DAB1: variants seen among roughly 807,000 people sequenced by gnomAD.
DAB1 encodes the protein DAB adaptor protein 1, also known as disabled homolog 1.
Under a neutral mutation model 64.6 loss-of-function variants are expected in DAB1, and 15 were observed. That is an observed-to-expected ratio of 0.23 (90% CI 0.16 to 0.36). The LOEUF (loss-of-function observed/expected upper bound fraction) is 0.36, where lower values mean the gene tolerates loss of function less well. Among genes scored for constraint, DAB1 ranks in the 10% least tolerant of loss-of-function variants. The probability of loss-of-function intolerance (pLI) is 1.00; values close to 1 mark genes in which losing one functional copy is unlikely to be tolerated. For missense variants in DAB1, 596 were observed against 706.7 expected (o/e 0.84, Z 1.78); for synonymous variants, 235 against 251.9 (o/e 0.93, Z 0.64).
At chr1:57,405,291 C>T (rs1186796136) in intron 1 of DAB1, among the ~76,000 whole-genome samples, 1 of 152,164 alleles carries the variant, frequency 6.6e-6, no homozygotes, top group African/African-American at 2.4e-5. Flanking sequence ...GAAAAACAAA[C>T]AATGGGATTG....
At chr1:57,030,694 A>G (rs975233791) in intron 9 of DAB1, among the ~76,000 whole-genome samples, 3 of 152,262 alleles carry the variant, frequency 2.0e-5, no homozygotes, top group Non-Finnish European at 4.4e-5. Context: ...TGAGGTGGAC[A>G]GCACACAGGT....
At chr1:58,352,807 T>C (rs1426533466) in intron 3 of DAB1, among the ~76,000 whole-genome samples, 1 of 152,060 alleles carries the variant, frequency 6.6e-6, no homozygotes, top group Non-Finnish European at 1.5e-5. Flanking sequence ...ATGAATGGGA[T>C]CAGTGCTCTT....
chr1:57,134,758 C>T (rs1364607855), intron 4 of DAB1, among the ~76,000 whole-genome samples: 1 of 152,124 alleles, frequency 6.6e-6, no homozygotes, highest in Admixed American at 6.6e-5. Flanking sequence ...CAAAAGGACT[C>T]AGGAGCCAGA....
intron 4 of DAB1, among the ~76,000 whole-genome samples, chr1:57,083,986 G>A (rs1411244806): frequency 6.6e-6 from 1 of 152,150 alleles, no homozygotes; most frequent in Non-Finnish European, 1.5e-5. Context: ...TGGCACAAAG[G>A]TTGTTTAGTA....
At chr1:57,106,259 C>CA (rs371571942) in intron 4 of DAB1, among the ~76,000 whole-genome samples, 94 of 140,916 alleles carry the variant, frequency 6.7e-4, no homozygotes, top group African/African-American at 2.2e-3. Flanking sequence ...CCCCTAACAC[C>CA]CCCCCCCATC....
chr1:57,686,919 C>A (rs1010562104), intron 6 of DAB1, among the ~76,000 whole-genome samples: 3 of 152,132 alleles, frequency 2.0e-5, no homozygotes, highest in African/African-American at 7.2e-5. Context: ...CTATCTATGA[C>A]AAACCCACAG....
intron 3 of DAB1, among the ~76,000 whole-genome samples, chr1:58,387,834 C>T (rs1273553915): frequency 3.4e-5 from 5 of 148,536 alleles, no homozygotes; most frequent in African/African-American, 1.2e-4. Flanking sequence ...TTATGCCATT[C>T]TCCTGCCTCA....
intron 2 of DAB1, among the ~76,000 whole-genome samples, chr1:57,186,957 T>C (rs1193347925): frequency 4.6e-5 from 7 of 152,330 alleles, no homozygotes; most frequent in African/African-American, 1.7e-4. Flanking sequence ...TCAATTTTTG[T>C]CATTTCTATT....
At chr1:57,360,488 T>G (rs1033376774) in intron 1 of DAB1, among the ~76,000 whole-genome samples, 2 of 152,150 alleles carry the variant, frequency 1.3e-5, no homozygotes, top group African/African-American at 2.4e-5. Context: ...TCATGTTCAC[T>G]GTGCATCATG....
chr1:57,749,416 T>C (rs1177843285), intron 6 of DAB1, among the ~76,000 whole-genome samples: 9 of 152,212 alleles, frequency 5.9e-5, no homozygotes, highest in African/African-American at 2.2e-4. Context: ...AATTAATTGA[T>C]AACATTTTAA....
chr1:58,301,413 A>G (rs1042657160), intron 4 of DAB1, among the ~76,000 whole-genome samples: 3 of 152,230 alleles, frequency 2.0e-5, no homozygotes, highest in Non-Finnish European at 4.4e-5. Context: ...CCCACGGGCC[A>G]CATGCTGCCC....
intron 7 of DAB1, among the ~76,000 whole-genome samples, chr1:57,493,335 G>A (rs1644188387): frequency 6.6e-6 from 1 of 151,182 alleles, no homozygotes; most frequent in Non-Finnish European, 1.5e-5. Flanking sequence ...TCTACTTTCT[G>A]TCTCTCTAAA....
intron 2 of DAB1, among the ~76,000 whole-genome samples, chr1:57,199,254 A>C (rs1053141510): frequency 1.3e-5 from 2 of 152,208 alleles, no homozygotes; most frequent in African/African-American, 4.8e-5. Flanking sequence ...TATTAAAGTA[A>C]AATTTCTAAT....
intron 4 of DAB1, among the ~76,000 whole-genome samples, chr1:58,151,245 C>G (rs1019785668): frequency 6.6e-6 from 1 of 152,310 alleles, no homozygotes; most frequent in African/African-American, 2.4e-5. Context: ...ATTTCTAGTT[C>G]TAGATCCTTG....
chr1:57,474,584 T>C (rs1241759194), intron 7 of DAB1, among the ~76,000 whole-genome samples: 1 of 152,212 alleles, frequency 6.6e-6, no homozygotes, highest in East Asian at 1.9e-4. Context: ...TTCAGCTTTA[T>C]GACTCTGCAG....
At chr1:58,459,014 G>C (rs1017221370) in intron 3 of DAB1, among the ~76,000 whole-genome samples, 34 of 152,194 alleles carry the variant, frequency 2.2e-4, no homozygotes, top group African/African-American at 8.0e-4. Context: ...AATGGAGAAA[G>C]TCCTTAATGC....
intron 1 of DAB1, among the ~76,000 whole-genome samples, chr1:57,413,718 C>G (rs1427900089): frequency 7.4e-6 from 1 of 135,122 alleles, no homozygotes; most frequent in African/African-American, 2.9e-5. Flanking sequence ...CACTCCAGCC[C>G]AGGCGACACA....
chr1:58,132,234 G>A (rs576091988), intron 5 of DAB1, among the ~76,000 whole-genome samples: 8 of 152,250 alleles, frequency 5.3e-5, no homozygotes, highest in African/African-American at 1.7e-4. Flanking sequence ...GGTGCGGTCC[G>A]TCAGCGATTT....
At chr1:57,084,709 A>G (rs551954115) in intron 4 of DAB1, among the ~76,000 whole-genome samples, 5 of 152,334 alleles carry the variant, frequency 3.3e-5, no homozygotes, top group South Asian at 4.1e-4. Context: ...CTGCTTTTCA[A>G]TGCAGAATAA....
Sources: gnomAD v4.1 joint callset for allele counts (sites outside exome capture counted in the v4.1 genomes callset) on GRCh38, gnomAD v4.1.1 for gene constraint, MANE v1.5 for transcripts, NCBI Gene and HGNC (gene_info 2026-07-23, HGNC 2026-07-21) for gene names.